The following SCD5 variants were observed in gnomAD, a reference collection of about 807,000 sequenced individuals.
SCD5 encodes the protein acyl-CoA-desaturase 4.
In SCD5, 20 loss-of-function variants were observed where a neutral mutation model predicts 30.4. The ratio of observed to expected loss-of-function variants is 0.66; its 90% confidence interval spans 0.46 to 0.96. The LOEUF is 0.96. SCD5 is among the 40% of genes least tolerant of loss of function. SCD5 has a pLI of 0.00. For missense variants in SCD5, 381 were observed against 443.3 expected, an observed-to-expected ratio of 0.86 and a Z score of 1.26; for synonymous variants, 173 against 176.4, an observed-to-expected ratio of 0.98 and a Z score of 0.16.
In SCD5 at chr4:82,631,391, C is replaced by T. The variant is rs1309603248; in HGVS notation, c.929G>A (p.Arg310His). 8.1e-6 allele frequency: 13 copies of T among 1,613,910 alleles called. No homozygotes were observed. Among genetic ancestry groups the T allele is most frequent in the Middle Eastern group, 1.6e-4 (1 of 6,084 alleles). Reference sequence around the variant, plus strand: ...GATCATCGGCTTGGTTGCCCGTTTGCGGTCAGTGGCCAGCCCCAGCCAGCA... The same window carrying T: ...GATCATCGGCTTGGTTGCCCGTTTGTGGTCAGTGGCCAGCCCCAGCCAGCA... ...FMCWLGLATD[R>H]KRATKPMIEA... Residue 310 changes from arginine to histidine, a missense_variant, in exon 5 of 5, where the codon CGC becomes CAC. Arg to His is a conservative substitution (Grantham distance 29). Coordinates refer to ENST00000319540, the MANE Select transcript of SCD5 (RefSeq NM_001037582.3).
intron 1 of SCD5, among the ~76,000 whole-genome samples, chr4:82,759,020 C>T (rs1040958796): frequency 2.0e-5 from 3 of 152,260 alleles, no homozygotes; most frequent in Non-Finnish European, 4.4e-5. Context: ...AACTGCTGCG[C>T]GGGTCCCTGG....
intron 1 of SCD5, among the ~76,000 whole-genome samples, chr4:82,732,517 G>T (rs17351781): frequency 0.027 from 4,133 of 152,142 alleles, 178 homozygotes; most frequent in African/African-American, 0.093. Context: ...TCTCCCTCTC[G>T]TGGAAACAGG....
At chr4:82,780,516 C>A (rs1721844335) in intron 1 of SCD5, among the ~76,000 whole-genome samples, 1 of 152,242 alleles carries the variant, frequency 6.6e-6, no homozygotes, top group African/African-American at 2.4e-5. Context: ...AGTCTCCAAG[C>A]AGGTGCAGAA....
intron 1 of SCD5, among the ~76,000 whole-genome samples, chr4:82,797,716 G>A (rs945246218): frequency 9.2e-5 from 14 of 152,020 alleles, no homozygotes; most frequent in Admixed American, 1.3e-4. Context: ...TTGCGGAGGG[G>A]GCAGGGACAG....
chr4:82,664,378 G>T (rs1259079636), intron 3 of SCD5, among the ~76,000 whole-genome samples: 4 of 152,090 alleles, frequency 2.6e-5, no homozygotes, highest in Admixed American at 6.6e-5. Flanking sequence ...ATTTACCTTG[G>T]TCTTTCTGTT....
chr4:82,711,439 C>T (rs780912861), intron 1 of SCD5, among the ~76,000 whole-genome samples: 3 of 152,160 alleles, frequency 2.0e-5, no homozygotes, highest in Admixed American at 6.5e-5. Flanking sequence ...TCCAGGATGG[C>T]GCGGTGGCTC....
At chr4:82,702,130 CTTTTTTTTTTTTTTTTTTT>C (rs10701664) in intron 2 of SCD5, among the ~76,000 whole-genome samples, 1 of 64,072 alleles carries the variant, frequency 1.6e-5, no homozygotes, top group African/African-American at 5.6e-5. Flanking sequence ...CCATCATCAT[CTTTTTTTTTTTTTTTTTTT>C]TTTTTTTTTT....
rs536378289 is a variant in SCD5 at position 82,702,394 on chromosome 4, C to T, written c.363+2889G>A. Reference sequence around the variant, plus strand: ...TCCTGATCTCAGGTGATCCACTCGCCTCGGCCTCCCAAAGTGCTGGGATTA... The same window carrying T: ...TCCTGATCTCAGGTGATCCACTCGCTTCGGCCTCCCAAAGTGCTGGGATTA... On this transcript the variant is annotated intron_variant, in intron 2 of 4. Coordinates refer to ENST00000319540, the MANE Select transcript of SCD5 (RefSeq NM_001037582.3). 7.3e-4 allele frequency among the ~76,000 whole-genome samples: 111 copies of T among 152,114 alleles called. 1 individual carries two copies. Among genetic ancestry groups the T allele is most frequent in the Admixed American group, 9.8e-4 (15 of 15,276 alleles).
chr4:82,693,509 T>C (rs1320932337), intron 2 of SCD5, among the ~76,000 whole-genome samples: 1 of 152,172 alleles, frequency 6.6e-6, no homozygotes, highest in Non-Finnish European at 1.5e-5. Flanking sequence ...CTTGCCCCTC[T>C]CTATTGTAGC....
intron 1 of SCD5, among the ~76,000 whole-genome samples, chr4:82,716,149 C>G (rs769873200): frequency 6.6e-6 from 1 of 151,784 alleles, no homozygotes; most frequent in East Asian, 1.9e-4. Context: ...TTCTTCGAAG[C>G]CTCTTCCTTT....
At chr4:82,747,118 C>G (rs572628192) in intron 1 of SCD5, among the ~76,000 whole-genome samples, 1 of 151,140 alleles carries the variant, frequency 6.6e-6, no homozygotes, top group Non-Finnish European at 1.5e-5. Flanking sequence ...TTCTGGCTCC[C>G]CATCCATCTT....
At chr4:82,758,392 A>G (rs570106526) in intron 1 of SCD5, among the ~76,000 whole-genome samples, 4 of 152,238 alleles carry the variant, frequency 2.6e-5, no homozygotes, top group African/African-American at 9.6e-5. Context: ...CTAGGAGTTC[A>G]AGGCTACAGT....
At position 82,669,022 on chromosome 4, in the gene SCD5, T is replaced by C. The variant is rs538238169; in HGVS notation, c.569+11685A>G. On this transcript the variant is annotated intron_variant, in intron 3 of 4. Transcript: ENST00000319540. ...TTAGCAACAGGTAGAGGGACCTTCA[T>C]GGCAAATGGACTGAGAACAAAAAGA... is the stretch of plus-strand genomic sequence containing the variant. 2.6e-3 allele frequency among the ~76,000 whole-genome samples: 393 copies of C among 152,294 alleles called. 2 individuals are homozygous for C. Among genetic ancestry groups the C allele is most frequent in the Non-Finnish European group, 4.6e-3 (315 of 68,030 alleles).
intron 1 of SCD5, among the ~76,000 whole-genome samples, chr4:82,789,940 TTTG>T (rs371742153): frequency 2.0e-5 from 3 of 152,004 alleles, no homozygotes; most frequent in African/African-American, 7.2e-5. Flanking sequence ...TTAGGGGTTT[TTTG>T]TTGTTGTTGT....
chr4:82,689,671 T>A (rs1429337769), intron 2 of SCD5, among the ~76,000 whole-genome samples: 3 of 152,188 alleles, frequency 2.0e-5, no homozygotes, highest in Non-Finnish European at 4.4e-5. Flanking sequence ...AACTATTGGG[T>A]AAAAGTTTGA....
chr4:82,690,966 A>G (rs1728820249), intron 2 of SCD5, among the ~76,000 whole-genome samples: 2 of 152,144 alleles, frequency 1.3e-5, no homozygotes, highest in African/African-American at 4.8e-5. Flanking sequence ...CCAATAAAGG[A>G]GCTGAACAAA....
At chr4:82,780,080 T>G (rs573704473) in intron 1 of SCD5, among the ~76,000 whole-genome samples, 3 of 152,372 alleles carry the variant, frequency 2.0e-5, no homozygotes, top group South Asian at 2.1e-4. Flanking sequence ...AGGAAGCACT[T>G]AGGCCCATGC....
chr4:82,795,702 G>C (rs1722195543), intron 1 of SCD5, among the ~76,000 whole-genome samples: 1 of 149,454 alleles, frequency 6.7e-6, no homozygotes, highest in Non-Finnish European at 1.5e-5. Flanking sequence ...CACACCTGTA[G>C]TCCCAGCTAC....
At chr4:82,636,904 GA>G in intron 3 of SCD5, 81 bp from the exon 4 acceptor site, 1 of 1,219,708 alleles carries the variant, frequency 8.2e-7, no homozygotes, top group Non-Finnish European at 1.1e-6. Flanking sequence ...GGAAAAGTCA[GA>G]AAAAAGCCCA....
Sources: allele counts gnomAD v4.1 joint callset (sites outside exome capture counted in the v4.1 genomes callset), GRCh38; gene constraint gnomAD v4.1.1; transcripts MANE v1.5; gene names NCBI Gene and HGNC (gene_info 2026-07-23, HGNC 2026-07-21).